GAS6: variants seen among roughly 807,000 people sequenced by gnomAD.
GAS6 encodes the protein growth arrest specific 6.
GAS6 carries 41 observed loss-of-function variants against 75.8 expected under a neutral mutation model. That is an observed-to-expected ratio of 0.54 (90% confidence interval 0.42 to 0.70). The LOEUF is 0.70. Among genes scored for constraint, GAS6 ranks in the 30% least tolerant of loss-of-function variants. GAS6 has a pLI of 0.00. For synonymous variants in GAS6, 432 were observed against 412.6 expected, an observed-to-expected ratio of 1.05 and a Z score of -0.57; for missense variants, 854 against 940.2, an observed-to-expected ratio of 0.91 and a Z score of 1.20.
chr13:113,861,990 A>G (rs1594212507), intron 2 of GAS6, among the ~76,000 whole-genome samples: 2 of 152,218 alleles, frequency 1.3e-5, no homozygotes, highest in East Asian at 1.9e-4. Context: ...GGAGATGAAC[A>G]TGCCAGCACA....
In GAS6 at chr13:113,824,152, G is replaced by A. The variant is rs142702749; in HGVS notation, c.1478-602C>T. Among the ~76,000 whole-genome samples, 412 of 81,428 alleles carry A rather than the reference G, an allele frequency of 5.1e-3. 38 individuals carry two copies. Among genetic ancestry groups the A allele is most frequent in the African/African-American group, 0.032 (360 of 11,308 alleles). The allele number at this position is 81,428 out of a possible 152,430, so 53.4% of individuals were successfully genotyped here. A position where few individuals can be genotyped will look rare whatever the true frequency, so the allele number is the denominator to read the frequency against. ...ACCGTGGTCTGGGGTCTGAGCTGTCGGGAGCACGCGTGGTCTGGGGTCTGA... is the reference window on the plus strand; with the variant it reads ...ACCGTGGTCTGGGGTCTGAGCTGTCAGGAGCACGCGTGGTCTGGGGTCTGA... On this transcript the variant is annotated intron_variant, in intron 12 of 14. Transcript: ENST00000327773.
rs1420690644 is a variant in GAS6, at chr13:113,837,395, G to A, written c.589+674C>T. Among the ~76,000 whole-genome samples, 1 of 152,074 alleles carries A rather than the reference G, an allele frequency of 6.6e-6. No homozygotes were observed. The highest frequency in any genetic ancestry group is 1.9e-4 in the East Asian group (1 of 5,166). On this transcript the variant is annotated intron_variant, in intron 6 of 14. Coordinates refer to ENST00000327773, the MANE Select transcript of GAS6 (RefSeq NM_000820.4). The surrounding 1 kb of genome is among the most constrained non-coding windows in gnomAD (Gnocchi z 5.1). ...GGTGTCCTGGACAGTCAGCAGCAGC[G>A]CTAAGAACTATGCCAGAAACTCTCA...
Position 113,832,636 on chromosome 13 carries a change from G to A in GAS6, c.951C>T (p.Thr317=). The change falls in exon 9 of 15, where the codon ACC becomes ACT. Residue 317 remains threonine, a splice_region_variant and synonymous_variant. Coordinates refer to ENST00000327773, the MANE Select transcript of GAS6 (RefSeq NM_000820.4). ...GCCTCCTGTGGACACCTCCTCACCT[G>A]GTGGGCTGCAGCCTCTTGAAGCGCA... ...IRLRFKRLQP[T]RLVAEFDFRT... 6.2e-7 allele frequency: 1 copy of A among 1,612,744 alleles called. No homozygotes were observed. Among genetic ancestry groups the A allele is most frequent in the Non-Finnish European group, 8.5e-7 (1 of 1,179,960 alleles).
At chr13:113,858,763 G>A (rs560610868) in intron 2 of GAS6, among the ~76,000 whole-genome samples, 15 of 151,612 alleles carry the variant, frequency 9.9e-5, no homozygotes, top group Admixed American at 2.6e-4. Flanking sequence ...ATGTGTGTGC[G>A]TGTCATTATG....
chr13:113,862,257 A>G (rs1357268738), intron 2 of GAS6, among the ~76,000 whole-genome samples: 1 of 152,108 alleles, frequency 6.6e-6, no homozygotes, highest in African/African-American at 2.4e-5. Context: ...CGGAGCGGGT[A>G]CTGTGGGGTG....
chr13:113,838,212 G>A (rs774375473), intron 5 of GAS6, 21 bp from the exon 6 acceptor site: 2 of 1,611,538 alleles, frequency 1.2e-6, no homozygotes, highest in Non-Finnish European at 1.7e-6. Context: ...GCACAGGCCT[G>A]AAGGGGAGCC....
At chr13:113,832,937 G>A (rs1367702179) in intron 8 of GAS6, 185 bp from the exon 9 acceptor site, 1 of 1,482,374 alleles carries the variant, frequency 6.7e-7, no homozygotes, top group African/African-American at 1.4e-5. Context: ...CAGGTGAAGG[G>A]CGGGCTTGCA....
intron 6 of GAS6, 28 bp from the exon 7 acceptor site, chr13:113,835,663 G>T (rs45544435): frequency 2.3e-4 from 362 of 1,607,378 alleles, no homozygotes; most frequent in Middle Eastern, 1.0e-3. Context: ...CCGGCCAACC[G>T]CAGCACAGCG....
chr13:113,824,259 C>T (rs1338383570), intron 12 of GAS6, among the ~76,000 whole-genome samples: 1 of 78,638 alleles, frequency 1.3e-5, no homozygotes, highest in African/African-American at 6.1e-5. Context: ...GGAGCACCCG[C>T]GGTCTGGGGT....
At chr13:113,828,018 G>A (rs1443119973) in intron 11 of GAS6, among the ~76,000 whole-genome samples, 1 of 152,236 alleles carries the variant, frequency 6.6e-6, no homozygotes, top group African/African-American at 2.4e-5. Context: ...GCTCACGCCT[G>A]TAATCCCAGC....
chr13:113,840,102 G>T lies in GAS6; in HGVS notation c.344-252C>A, dbSNP rs544767653. 45 of 507,106 alleles carry T rather than the reference G, an allele frequency of 8.9e-5. No homozygotes were observed. In the East Asian group the frequency reaches 1.6e-3, roughly 18 times the overall value. The allele number at this position is 507,106 out of a possible 1,614,324, so 31.4% of individuals were successfully genotyped here. On this transcript the variant is annotated intron_variant, in intron 4 of 14. Coordinates refer to ENST00000327773, the MANE Select transcript of GAS6 (RefSeq NM_000820.4). ...GGAGGGAGTGCCAGCAGGCCTGGAC[G>T]CAAGGTGGGAAGGGCTGAGGGCAAA...
chr13:113,842,719 G>A (rs2051799227), intron 4 of GAS6: 2 of 397,020 alleles, frequency 5.0e-6, no homozygotes. Context: ...CCTCCTCAGA[G>A]GCCCCCACCA....
intron 5 of GAS6, among the ~76,000 whole-genome samples, chr13:113,838,889 A>G (rs1475204858): frequency 1.3e-5 from 2 of 152,100 alleles, no homozygotes; most frequent in African/African-American, 2.4e-5. Context: ...GCCCTGGAGC[A>G]GAGAGGGACC....
chr13:113,825,282 G>A (rs9577873), intron 12 of GAS6, among the ~76,000 whole-genome samples: 11,786 of 149,482 alleles, frequency 0.079, 536 homozygotes, highest in East Asian at 0.14. Flanking sequence ...AGGAGGCTAG[G>A]CACATGTTGG....
intron 2 of GAS6, among the ~76,000 whole-genome samples, chr13:113,856,268 G>A (rs1466832613): frequency 6.6e-6 from 1 of 152,208 alleles, no homozygotes; most frequent in African/African-American, 2.4e-5. Context: ...ACACAGAGGA[G>A]CACACAGTGG....
chr13:113,821,341 T>C, intron 14 of GAS6: 1 of 337,714 alleles, frequency 3.0e-6, no homozygotes, highest in South Asian at 5.9e-5. Context: ...GCTCTCATCC[T>C]CTTCAAAGCT....
chr13:113,833,189 G>A (rs1441752138), intron 8 of GAS6: 2 of 1,122,600 alleles, frequency 1.8e-6, no homozygotes, highest in Non-Finnish European at 2.2e-6. Flanking sequence ...ACCAAAGCCG[G>A]TGTGAGCTGA....
intron 8 of GAS6, among the ~76,000 whole-genome samples, chr13:113,834,193 C>CCGGTGTGACAGGCCCCAGTGTGACAGGT (rs2051669833): frequency 7.4e-6 from 1 of 134,820 alleles, no homozygotes; most frequent in East Asian, 2.4e-4. Flanking sequence ...GTGACAGGCA[C>CCGGTGTGACAGGCCCCAGTGTGACAGGT]CGGTGTGACA....
intron 12 of GAS6, among the ~76,000 whole-genome samples, chr13:113,824,289 C>T (rs1261700708): frequency 2.4e-5 from 3 of 126,902 alleles, no homozygotes; most frequent in Admixed American, 7.9e-5. Context: ...CGGGAGCACG[C>T]GCGGTCTGGG....
Sources: gnomAD v4.1 joint callset for allele counts (sites outside exome capture counted in the v4.1 genomes callset) on GRCh38, gnomAD v4.1.1 for gene constraint, Gnocchi (gnomAD v3.1) non-coding constraint, MANE v1.5 for transcripts, NCBI Gene and HGNC (gene_info 2026-07-23, HGNC 2026-07-21) for gene names.